The following CDH4 variants were observed in gnomAD, a reference collection of about 807,000 sequenced individuals.
CDH4 encodes the protein cadherin-4.
A neutral mutation model predicts 86.0 loss-of-function variants in CDH4; 33 were observed. That is an observed-to-expected ratio of 0.38 (90% CI 0.29 to 0.51). The LOEUF is 0.51. Among genes scored for constraint, CDH4 ranks in the 20% least tolerant of loss-of-function variants. CDH4 has a pLI of 0.86. For missense variants in CDH4, 1,114 were observed against 1,307.4 expected, an observed-to-expected ratio of 0.85 and a Z score of 2.28; for synonymous variants, 555 against 549.4, an observed-to-expected ratio of 1.01 and a Z score of -0.14.
At chr20:61,786,527 T>G (rs1978892172) in intron 4 of CDH4, among the ~76,000 whole-genome samples, 1 of 152,172 alleles carries the variant, frequency 6.6e-6, no homozygotes, top group African/African-American at 2.4e-5. Flanking sequence ...TTTACCGCCC[T>G]CTCATCCAAG....
rs113504616 is a variant in CDH4 at position 61,672,663 on chromosome 20, A to G, written c.170-70900A>G. ...AGTCTGAGCCGAGTCTCTGGGGTGGACAGTGAGGCATCTGCCAAGGGTGGG... is the reference window on the plus strand; with the variant it reads ...AGTCTGAGCCGAGTCTCTGGGGTGGGCAGTGAGGCATCTGCCAAGGGTGGG... On this transcript the variant is annotated intron_variant, in intron 2 of 15. Transcript: ENST00000614565. Among the ~76,000 whole-genome samples, 497 of 152,284 alleles carry G rather than the reference A, an allele frequency of 3.3e-3. 5 individuals are homozygous for G. The highest frequency in any genetic ancestry group is 0.011 in the African/African-American group (476 of 41,544).
At chr20:61,367,211 G>A (rs1023818509) in intron 2 of CDH4, among the ~76,000 whole-genome samples, 2 of 151,920 alleles carry the variant, frequency 1.3e-5, no homozygotes, top group African/African-American at 4.8e-5. Context: ...GAGTGCCTCC[G>A]GGGGCTCCCT....
intron 2 of CDH4, among the ~76,000 whole-genome samples, chr20:61,665,737 G>T (rs1353727635): frequency 6.6e-6 from 1 of 152,210 alleles, no homozygotes; most frequent in Non-Finnish European, 1.5e-5. Flanking sequence ...ATACACGGGG[G>T]TCACCTAACA....
intron 4 of CDH4, among the ~76,000 whole-genome samples, chr20:61,841,861 G>A (rs967435691): frequency 2.0e-5 from 3 of 152,138 alleles, no homozygotes; most frequent in African/African-American, 4.8e-5. Context: ...CCCCCATGGC[G>A]CCTTTATGAT....
intron 2 of CDH4, among the ~76,000 whole-genome samples, chr20:61,273,334 A>G (rs1265710703): frequency 0.017 from 540 of 31,570 alleles, no homozygotes; most frequent in Middle Eastern, 0.038. Flanking sequence ...GCAGTTTGGG[A>G]GAGTACCTTG....
At chr20:61,327,462 A>C (rs1403294014) in intron 2 of CDH4, among the ~76,000 whole-genome samples, 1 of 152,228 alleles carries the variant, frequency 6.6e-6, no homozygotes, top group Non-Finnish European at 1.5e-5. Flanking sequence ...AACAGTTTTA[A>C]AAGATACTCA....
intron 2 of CDH4, among the ~76,000 whole-genome samples, chr20:61,633,411 A>C (rs1444905265): frequency 6.6e-6 from 1 of 151,894 alleles, no homozygotes; most frequent in East Asian, 1.9e-4. Flanking sequence ...CCACCCACTC[A>C]TGCATCCAAA....
At chr20:61,591,484 A>G (rs6121442) in intron 2 of CDH4, among the ~76,000 whole-genome samples, 5,558 of 152,052 alleles carry the variant, frequency 0.037, 157 homozygotes, top group Middle Eastern at 0.095. Context: ...GTTGTGATGC[A>G]TTGTTTGGGT....
chr20:61,590,046 G>A (rs1229077720), intron 2 of CDH4, among the ~76,000 whole-genome samples: 1 of 152,012 alleles, frequency 6.6e-6, no homozygotes, highest in Non-Finnish European at 1.5e-5. Flanking sequence ...GGAAGGACTC[G>A]GTGGGCTCCC....
chr20:61,592,452 G>A (rs1326310392), intron 2 of CDH4, among the ~76,000 whole-genome samples: 2 of 150,856 alleles, frequency 1.3e-5, no homozygotes, highest in African/African-American at 2.4e-5. Context: ...AAATCAACTT[G>A]GTTGAAATAC....
At chr20:61,746,519 A>C (rs1331073181) in intron 3 of CDH4, among the ~76,000 whole-genome samples, 1 of 152,176 alleles carries the variant, frequency 6.6e-6, no homozygotes, top group African/African-American at 2.4e-5. Flanking sequence ...GCACAGGAGA[A>C]CTGATGTGTG....
intron 4 of CDH4, among the ~76,000 whole-genome samples, chr20:61,774,087 T>A (rs1314167036): frequency 1.3e-5 from 2 of 152,194 alleles, no homozygotes; most frequent in African/African-American, 4.8e-5. Context: ...GTGAATGCAG[T>A]GTGCCTCCAC....
chr20:61,642,981 A>T (rs2087026811), intron 2 of CDH4, among the ~76,000 whole-genome samples: 1 of 152,232 alleles, frequency 6.6e-6, no homozygotes, highest in African/African-American at 2.4e-5. Context: ...CCTCATCTCA[A>T]GATCCTTAAC....
intron 2 of CDH4, among the ~76,000 whole-genome samples, chr20:61,584,825 CG>C (rs1445968008): frequency 6.6e-6 from 1 of 150,774 alleles, no homozygotes; most frequent in Non-Finnish European, 1.5e-5. Flanking sequence ...GGCTAACGCA[CG>C]GGGCGCGCTG....
intron 2 of CDH4, among the ~76,000 whole-genome samples, chr20:61,256,254 A>C (rs1445470605): frequency 6.6e-6 from 1 of 152,172 alleles, no homozygotes; most frequent in East Asian, 1.9e-4. Flanking sequence ...CACTGACTGC[A>C]GTCTGCTGTG....
chr20:61,333,282 CACACAT>C (rs1405685925), intron 2 of CDH4, among the ~76,000 whole-genome samples: 2 of 150,748 alleles, frequency 1.3e-5, no homozygotes, highest in South Asian at 2.1e-4. Context: ...CACACACACA[CACACAT>C]GCACACACAC....
At chr20:61,662,549 G>A (rs73148375) in intron 2 of CDH4, among the ~76,000 whole-genome samples, 40,523 of 152,130 alleles carry the variant, frequency 0.27, 6,744 homozygotes, top group African/African-American at 0.48. Flanking sequence ...GGCACAGGAC[G>A]AGCACACAGA....
chr20:61,861,479 A>G (rs534007631), intron 6 of CDH4, among the ~76,000 whole-genome samples: 1 of 152,306 alleles, frequency 6.6e-6, no homozygotes, highest in South Asian at 2.1e-4. Context: ...TTAGAGGCCA[A>G]TGGATGGTCT....
At chr20:61,469,256 C>G (rs2085489273) in intron 2 of CDH4, among the ~76,000 whole-genome samples, 1 of 152,176 alleles carries the variant, frequency 6.6e-6, no homozygotes, top group South Asian at 2.1e-4. Flanking sequence ...TCCATTTTAA[C>G]TGGGATGAAA....
Sources: gnomAD v4.1 joint callset for allele counts (sites outside exome capture counted in the v4.1 genomes callset) on GRCh38, gnomAD v4.1.1 for gene constraint, MANE v1.5 for transcripts, NCBI Gene and HGNC (gene_info 2026-07-23, HGNC 2026-07-21) for gene names.